Variants in RANBP17 observed in about 807,000 individuals in gnomAD.
The protein encoded by RANBP17 is ran-binding protein 17.
Under a neutral mutation model 141.2 loss-of-function variants are expected in RANBP17, and 158 were observed. The observed-to-expected ratio is 1.12, with a 90% CI of 0.98 to 1.28. The LOEUF (loss-of-function observed/expected upper bound fraction) is 1.28. Ranked by LOEUF, RANBP17 falls within the 50% of genes most tolerant of loss-of-function variation. The probability of loss-of-function intolerance (pLI) is 0.00; values close to 1 mark genes in which losing one functional copy is unlikely to be tolerated. For synonymous variants in RANBP17, 430 were observed against 450.0 expected, an observed-to-expected ratio of 0.96 and a Z score of 0.56; for missense variants, 1,438 against 1,290.7, an observed-to-expected ratio of 1.11 and a Z score of -1.75.
intron 14 of RANBP17, among the ~76,000 whole-genome samples, chr5:171,036,955 A>G (rs1781921273): frequency 6.6e-6 from 1 of 152,146 alleles, no homozygotes; most frequent in African/African-American, 2.4e-5. Context: ...ATATATGCCC[A>G]GTAATAGGAT....
At chr5:171,147,410 T>G (rs2127824601) in intron 14 of RANBP17, among the ~76,000 whole-genome samples, 1 of 149,020 alleles carries the variant, frequency 6.7e-6, no homozygotes, top group African/African-American at 2.5e-5. Flanking sequence ...TGTTTTTTTT[T>G]TTTTTGGTTT....
chr5:170,911,146 CTT>C lies in RANBP17; in HGVS notation c.760+14_760+15del. 6.2e-7 allele frequency: 1 copy of C among 1,609,242 alleles called. No homozygotes were observed. Among genetic ancestry groups the C allele is most frequent in the Non-Finnish European group, 8.5e-7 (1 of 1,176,978 alleles). On this transcript the variant is annotated intron_variant, in intron 7 of 27. Coordinates refer to ENST00000523189, the MANE Select transcript of RANBP17 (RefSeq NM_022897.5). The stretch of plus-strand genomic sequence containing the variant: ...AACTTGGAGAACAAGTAAGAAAAAA[CTT>C]TGGTATGAAGGGTCATCAACATAAA...
intron 14 of RANBP17, among the ~76,000 whole-genome samples, chr5:171,012,032 A>T (rs1042758071): frequency 6.6e-6 from 1 of 150,790 alleles, no homozygotes. Flanking sequence ...AACAAATAAT[A>T]TATTTGTTTA....
At chr5:170,965,700 G>C (rs1455844402) in intron 13 of RANBP17, among the ~76,000 whole-genome samples, 2 of 152,162 alleles carry the variant, frequency 1.3e-5, no homozygotes, top group South Asian at 2.1e-4. Flanking sequence ...TCAAAGATCA[G>C]ATAGTTGTAG....
intron 14 of RANBP17, among the ~76,000 whole-genome samples, chr5:171,068,795 C>T (rs1386460118): frequency 2.6e-5 from 4 of 152,016 alleles, no homozygotes; most frequent in African/African-American, 4.8e-5. Context: ...TTCACCATGT[C>T]GGCCAAGGTC....
At chr5:171,258,240 T>C (rs1240584428) in intron 24 of RANBP17, among the ~76,000 whole-genome samples, 1 of 151,402 alleles carries the variant, frequency 6.6e-6, no homozygotes, top group African/African-American at 2.4e-5. Flanking sequence ...AAGTTGAAGA[T>C]GACACAAATA....
intron 14 of RANBP17, among the ~76,000 whole-genome samples, chr5:171,116,519 C>T (rs1454725026): frequency 6.6e-6 from 1 of 152,116 alleles, no homozygotes; most frequent in Middle Eastern, 3.4e-3. Context: ...ATTCGTTTTT[C>T]TCATTTTAAT....
chr5:170,926,505 C>T (rs1371009437), intron 12 of RANBP17, among the ~76,000 whole-genome samples: 1 of 152,018 alleles, frequency 6.6e-6, no homozygotes, highest in Non-Finnish European at 1.5e-5. Flanking sequence ...GGATTGCTTT[C>T]TTTCACTGAT....
intron 18 of RANBP17, among the ~76,000 whole-genome samples, chr5:171,192,876 C>G (rs1018070073): frequency 5.3e-5 from 8 of 152,192 alleles, no homozygotes; most frequent in African/African-American, 1.9e-4. Context: ...CATTTCAAAA[C>G]TAGCTAGCAC....
At position 171,299,184 on chromosome 5, in the gene RANBP17, G is replaced by A. The variant is rs1337613635; in HGVS notation, c.*326G>A. 3.6e-6 allele frequency: 1 copy of A among 277,186 alleles called. No homozygotes were observed. The highest frequency in any genetic ancestry group is 6.9e-6 in the Non-Finnish European group (1 of 144,676). The allele number at this position is 277,186 out of a possible 1,614,324, so 17.2% of individuals were successfully genotyped here. On this transcript the variant is annotated 3_prime_UTR_variant, in exon 28 of 28. Coordinates refer to ENST00000523189, the MANE Select transcript of RANBP17 (RefSeq NM_022897.5). ...ATAAACCAGGTTTGCACCTAAGTGT[G>A]TACTAGTTTATGGTTCTGCAGTCAA...
At chr5:171,278,473 T>A (rs1767666615) in intron 25 of RANBP17, among the ~76,000 whole-genome samples, 1 of 152,050 alleles carries the variant, frequency 6.6e-6, no homozygotes, top group African/African-American at 2.4e-5. Context: ...GAGGCGCCAT[T>A]GCACTCCAGC....
chr5:171,247,656 A>G (rs1013826509), intron 24 of RANBP17, among the ~76,000 whole-genome samples: 2 of 152,028 alleles, frequency 1.3e-5, no homozygotes, highest in African/African-American at 4.8e-5. Flanking sequence ...CCAACCCGCA[A>G]CTCTTATGCA....
chr5:170,893,262 C>A (rs1220644838), intron 4 of RANBP17, among the ~76,000 whole-genome samples: 3 of 150,874 alleles, frequency 2.0e-5, no homozygotes, highest in East Asian at 1.9e-4. Flanking sequence ...CCAAACCAAA[C>A]CAAAACAAAA....
intron 14 of RANBP17, among the ~76,000 whole-genome samples, chr5:171,006,621 G>T (rs1318713960): frequency 6.6e-6 from 1 of 151,858 alleles, no homozygotes; most frequent in Non-Finnish European, 1.5e-5. Flanking sequence ...GGGAGGGATA[G>T]TATTAGGAGA....
intron 24 of RANBP17, chr5:171,252,500 A>G (rs770522306): frequency 1.7e-4 from 242 of 1,443,470 alleles, no homozygotes; most frequent in Non-Finnish European, 2.2e-4. Context: ...AGTGAGTACA[A>G]GTATTACTGT....
At chr5:170,975,490 C>T (rs1014826486) in intron 14 of RANBP17, among the ~76,000 whole-genome samples, 18 of 152,204 alleles carry the variant, frequency 1.2e-4, no homozygotes, top group African/African-American at 3.9e-4. Flanking sequence ...TGCGCCACTG[C>T]ACTCCAGCCT....
chr5:171,012,665 T>C lies in RANBP17; in HGVS notation c.1710+44288T>C, dbSNP rs116304778. On this transcript the variant is annotated intron_variant, in intron 14 of 27. Transcript: ENST00000523189. ...TCAGTGGTCATACCCAAAGAGAAAG[T>C]AATAACAGTATTATTTCTTGTTTAA... 3.7e-3 allele frequency among the ~76,000 whole-genome samples: 560 copies of C among 152,264 alleles called. 6 individuals carry two copies. Among genetic ancestry groups the C allele is most frequent in the African/African-American group, 0.013 (533 of 41,578 alleles).
At chr5:171,067,552 AATG>A (rs1784384434) in intron 14 of RANBP17, among the ~76,000 whole-genome samples, 14 of 152,062 alleles carry the variant, frequency 9.2e-5, no homozygotes, top group Admixed American at 9.2e-4. Context: ...AGCATTTCTT[AATG>A]GGGCTAGTCT....
At position 171,153,992 on chromosome 5, in the gene RANBP17, A is replaced by C. The variant is rs962258810; in HGVS notation, c.1711-16138A>C. On this transcript the variant is annotated intron_variant, in intron 14 of 27. Transcript: ENST00000523189. ...CAGTGAGCCAAGATCACGCCACTGC[A>C]CTCCAGCCTGGGCAACAAGAGCAAA... is the stretch of plus-strand genomic sequence containing the variant. Among the ~76,000 whole-genome samples the C allele has an allele frequency of 2.6e-5, 4 of 152,034 alleles. No individual in the cohort carries two copies. In the East Asian group the frequency reaches 7.8e-4, roughly 29 times the overall value.
Sources: allele counts gnomAD v4.1 joint callset (sites outside exome capture counted in the v4.1 genomes callset), GRCh38; gene constraint gnomAD v4.1.1; transcripts MANE v1.5; gene names NCBI Gene and HGNC (gene_info 2026-07-23, HGNC 2026-07-21).